Variants in RBPJ observed in about 807,000 individuals in gnomAD.
RBPJ encodes recombining binding protein suppressor of hairless.
A neutral mutation model predicts 67.8 loss-of-function variants in RBPJ; 9 were observed. That is an observed-to-expected ratio of 0.13 (90% CI 0.08 to 0.23). The LOEUF is 0.23. Ranked by LOEUF, RBPJ falls within the 10% of genes least tolerant of loss-of-function variation. The pLI is 1.00. For missense variants in RBPJ, 305 were observed against 595.6 expected (o/e 0.51, Z 5.08); for synonymous variants, 198 against 203.3 (o/e 0.97, Z 0.22).
At chr4:26,192,420 A>G (rs77435788) in intron 1 of RBPJ, among the ~76,000 whole-genome samples, 2,623 of 152,314 alleles carry the variant, frequency 0.017, 73 homozygotes, top group African/African-American at 0.06. Context: ...GCACACACAA[A>G]TTCCCCCATA....
chr4:26,415,728 T>C lies in RBPJ; in HGVS notation c.321+88T>C, dbSNP rs1007184017. ...TTCATTTTTGTGGTGGAGATTTTTT[T>C]CTTTAATAACTATTGGTAACAATTT... On this transcript the variant is annotated intron_variant, in intron 4 of 10. Transcript: ENST00000355476. 2.5e-5 allele frequency: 32 copies of C among 1,284,952 alleles called. No individual in the cohort carries two copies. In the African/African-American group the frequency reaches 4.6e-4, roughly 19 times the overall value. 79.6% of individuals were successfully genotyped at this position (1,284,952 alleles called of 1,614,324 possible). A position where few individuals can be genotyped will look rare whatever the true frequency, so the allele number is the denominator to read the frequency against.
intron 1 of RBPJ, among the ~76,000 whole-genome samples, chr4:26,177,541 C>T (rs1325204924): frequency 6.6e-6 from 1 of 151,694 alleles, no homozygotes; most frequent in Non-Finnish European, 1.5e-5. Context: ...TGCACCACTG[C>T]ACTCCAGCCT....
At chr4:26,184,276 G>A (rs1268510500) in intron 1 of RBPJ, among the ~76,000 whole-genome samples, 2 of 152,106 alleles carry the variant, frequency 1.3e-5, no homozygotes, top group Non-Finnish European at 1.5e-5. Flanking sequence ...GGGGCCCGTG[G>A]CCATAGGTAC....
At chr4:26,383,008 A>G (rs922174429) in intron 1 of RBPJ, among the ~76,000 whole-genome samples, 1 of 152,244 alleles carries the variant, frequency 6.6e-6, no homozygotes. Context: ...TGCAATTAAT[A>G]GAAATGTCTT....
At position 26,367,103 on chromosome 4, in the gene RBPJ, G is replaced by A. The variant is rs7665003; in HGVS notation, c.21-19250G>A. On this transcript the variant is annotated intron_variant, in intron 1 of 10. Transcript: ENST00000355476. ...CGCGCCACTGCACTTCAGCCTGGGC[G>A]ACAGTTGTGAGACTCTGTTTCAAAA... Among the ~76,000 whole-genome samples, 882 of 151,574 alleles carry A rather than the reference G, an allele frequency of 5.8e-3. 11 individuals are homozygous for A. Among genetic ancestry groups the A allele is most frequent in the African/African-American group, 0.021 (847 of 41,266 alleles).
At chr4:26,267,876 G>A (rs886254445) in intron 1 of RBPJ, among the ~76,000 whole-genome samples, 2 of 152,036 alleles carry the variant, frequency 1.3e-5, no homozygotes, top group Admixed American at 1.3e-4. Flanking sequence ...CCAAAGTGTT[G>A]GGATTACAGG....
upstream of RBPJ, chr4:26,320,727 C>T: frequency 6.5e-7 from 1 of 1,549,440 alleles, no homozygotes; most frequent in South Asian, 1.2e-5. Context: ...CAAAGCGCGT[C>T]CTAAAACCCG....
intron 1 of RBPJ, among the ~76,000 whole-genome samples, chr4:26,259,127 CA>C (rs969348436): frequency 1.5e-4 from 23 of 151,510 alleles, no homozygotes; most frequent in African/African-American, 4.6e-4. Flanking sequence ...GATTAGGAAA[CA>C]AAAAAAAGTC....
upstream of RBPJ, among the ~76,000 whole-genome samples, chr4:26,316,320 TATTCATATATATAC>T (rs1304120473): frequency 4.7e-5 from 7 of 147,612 alleles, no homozygotes; most frequent in Admixed American, 1.4e-4. Context: ...CATATATACA[TATTCATATATATAC>T]ATTCATATAT....
chr4:26,192,002 T>C (rs1206724453), intron 1 of RBPJ, among the ~76,000 whole-genome samples: 2 of 138,462 alleles, frequency 1.4e-5, no homozygotes, highest in Admixed American at 7.6e-5. Flanking sequence ...TTTGTCCCAT[T>C]CTTTAAAATT....
intron 2 of RBPJ, among the ~76,000 whole-genome samples, chr4:26,389,549 C>T (rs1162714655): frequency 7.1e-6 from 1 of 141,148 alleles, no homozygotes; most frequent in Non-Finnish European, 1.5e-5. Flanking sequence ...TAAAATTCTT[C>T]AAGCAGAAGG....
At chr4:26,257,666 A>G (rs1281928581) in intron 1 of RBPJ, among the ~76,000 whole-genome samples, 1 of 152,178 alleles carries the variant, frequency 6.6e-6, no homozygotes, top group African/African-American at 2.4e-5. Context: ...TTAAACCAAG[A>G]CATATGCTGC....
chr4:26,284,679 G>C (rs570753156), intron 1 of RBPJ, among the ~76,000 whole-genome samples: 1 of 151,924 alleles, frequency 6.6e-6, no homozygotes, highest in Non-Finnish European at 1.5e-5. Context: ...ATGTCGGCCA[G>C]GCTGGTCTCC....
intron 1 of RBPJ, among the ~76,000 whole-genome samples, chr4:26,303,917 G>A (rs949978022): frequency 6.6e-6 from 1 of 152,142 alleles, no homozygotes; most frequent in African/African-American, 2.4e-5. Context: ...CTCACCTAAA[G>A]TGCAAATTCA....
chr4:26,247,174 T>C (rs1363759408), intron 1 of RBPJ, among the ~76,000 whole-genome samples: 1 of 152,076 alleles, frequency 6.6e-6, no homozygotes, highest in Non-Finnish European at 1.5e-5. Context: ...CTTGACACTT[T>C]TGAAAGTTTA....
chr4:26,211,518 C>A (rs1718421175), intron 1 of RBPJ, among the ~76,000 whole-genome samples: 1 of 152,140 alleles, frequency 6.6e-6, no homozygotes, highest in Non-Finnish European at 1.5e-5. Context: ...TAATTCACCT[C>A]TGTAAATTCA....
chr4:26,315,929 C>T (rs990141355), upstream of RBPJ, among the ~76,000 whole-genome samples: 1 of 151,908 alleles, frequency 6.6e-6, no homozygotes, highest in Non-Finnish European at 1.5e-5. Flanking sequence ...TTTGCCCCAC[C>T]CCGCAGGCAG....
intron 1 of RBPJ, among the ~76,000 whole-genome samples, chr4:26,267,009 G>A (rs7663883): frequency 0.12 from 17,685 of 152,168 alleles, 3,052 homozygotes; most frequent in African/African-American, 0.38. Context: ...CCAAAACACA[G>A]ATAGCCTAAA....
chr4:26,387,265 G>A lies in RBPJ; in HGVS notation c.59+874G>A, dbSNP rs142696669. Among the ~76,000 whole-genome samples, 24 of 152,170 alleles carry A rather than the reference G, an allele frequency of 1.6e-4. 1 individual carries two copies. The highest frequency in any genetic ancestry group is 5.5e-4 in the African/African-American group (23 of 41,524). ...TAAAGAACGATGGGGACCTACAGAA[G>A]GATACAAAGGACAGTTTGAAGGGGA... On this transcript the variant is annotated intron_variant, in intron 2 of 10. Coordinates refer to ENST00000355476, the MANE Select transcript of RBPJ (RefSeq NM_015874.6).
Sources: gnomAD v4.1 joint callset for allele counts (sites outside exome capture counted in the v4.1 genomes callset) on GRCh38, gnomAD v4.1.1 for gene constraint, MANE v1.5 for transcripts, NCBI Gene and HGNC (gene_info 2026-07-23, HGNC 2026-07-21) for gene names.